Variants in LY6K observed in about 807,000 individuals in gnomAD.
The protein encoded by LY6K is lymphocyte antigen 6K.
LY6K carries 9 observed loss-of-function variants against 10.4 expected under a neutral mutation model. That is an observed-to-expected ratio of 0.87 (90% CI 0.52 to 1.52). The LOEUF is 1.52. LY6K is among the 40% of genes most tolerant of loss of function. The pLI, the probability that LY6K is intolerant of heterozygous loss-of-function variation, is 0.00. For missense variants in LY6K, 217 were observed against 211.7 expected, an observed-to-expected ratio of 1.02 and a Z score of -0.15; for synonymous variants, 98 against 83.7, an observed-to-expected ratio of 1.17 and a Z score of -0.94.
At chr8:142,702,197 C>G in intron 2 of LY6K, 1 of 450,286 alleles carries the variant, frequency 2.2e-6, no homozygotes, top group Non-Finnish European at 4.1e-6. Flanking sequence ...GTGCCTGCTA[C>G]AGTGGGTCCA....
intron 1 of LY6K, among the ~76,000 whole-genome samples, chr8:142,701,243 G>T (rs1388344774): frequency 1.3e-5 from 2 of 152,202 alleles, no homozygotes; most frequent in African/African-American, 4.8e-5. Flanking sequence ...CAGGAGAGAA[G>T]AAAAATCACT....
In LY6K at chr8:142,700,235, A is replaced by G; in HGVS notation, c.-293A>G. On this transcript the variant is annotated 5_prime_UTR_variant, in exon 1 of 3. Coordinates refer to ENST00000292430, the MANE Select transcript of LY6K (RefSeq NM_017527.4). ...TTGGGCTCAGGGGCTGCGTTTCCAC[A>G]CGCGCCTTTCCCAGGGCTCCCGCGC... The G allele has an allele frequency of 5.6e-6, 5 of 892,350 alleles. No homozygotes were observed. The highest frequency in any genetic ancestry group is 7.2e-6 in the Non-Finnish European group (5 of 696,838). The allele number at this position is 892,350 out of a possible 1,614,324, so 55.3% of individuals were successfully genotyped here. A position where few individuals can be genotyped will look rare whatever the true frequency, so the allele number is the denominator to read the frequency against.
At chr8:142,700,762 A>G (rs1402099491) in intron 1 of LY6K, 132 bp downstream of exon 1, 10 of 984,876 alleles carry the variant, frequency 1.0e-5, no homozygotes, top group South Asian at 2.6e-5. Flanking sequence ...GGCGCCTGGA[A>G]GCCTCTGGGG....
chr8:142,700,855 C>A (rs1294134739), intron 1 of LY6K, among the ~76,000 whole-genome samples: 1 of 152,078 alleles, frequency 6.6e-6, no homozygotes, highest in Non-Finnish European at 1.5e-5. Flanking sequence ...GCTCCGGCCG[C>A]GCTTCCCCGG....
Position 142,704,015 on chromosome 8 carries a change from G to A in LY6K, c.*644G>A, listed in dbSNP as rs1164721880. 2 of 152,356 alleles carry A rather than the reference G, an allele frequency of 1.3e-5. No homozygotes were observed. The highest frequency in any genetic ancestry group is 2.9e-5 in the Non-Finnish European group (2 of 68,156). 9.4% of individuals were successfully genotyped at this position (152,356 alleles called of 1,614,324 possible). On this transcript the variant is annotated 3_prime_UTR_variant, in exon 3 of 3. Coordinates refer to ENST00000292430, the MANE Select transcript of LY6K (RefSeq NM_017527.4). ...CAGATTCATAAATTCCCACACGTGT[G>A]TGTTCAACATCTGAAACTTAGGCCA...
chr8:142,704,404 G>GGAAGGT lies in LY6K; in HGVS notation c.*1035_*1040dup. 1 of 152,158 alleles carries GGAAGGT rather than the reference G, an allele frequency of 6.6e-6. No individual in the cohort carries two copies. The highest frequency in any genetic ancestry group is 6.6e-5 in the Admixed American group (1 of 15,266). The allele number at this position is 152,158 out of a possible 1,614,324, so 9.4% of individuals were successfully genotyped here. On this transcript the variant is annotated 3_prime_UTR_variant, in exon 3 of 3. Transcript: ENST00000292430. ...AAACAGAAGTAACCAAATCAGGCCT[G>GGAAGGT]GAAGGTGTATGCCTAGTGATTTCCC...
chr8:142,700,421 C>T lies in LY6K; in HGVS notation c.-107C>T, dbSNP rs1468462266. 2 of 1,376,146 alleles carry T rather than the reference C, an allele frequency of 1.5e-6. No homozygotes were observed. Among genetic ancestry groups the T allele is most frequent in the African/African-American group, 1.5e-5 (1 of 65,694 alleles). 85.2% of individuals were successfully genotyped at this position (1,376,146 alleles called of 1,614,324 possible). On this transcript the variant is annotated 5_prime_UTR_variant, in exon 1 of 3. Coordinates refer to ENST00000292430, the MANE Select transcript of LY6K (RefSeq NM_017527.4). ...CGCGCGCCCCGGGGCGGGCGGGGCT[C>T]CCCCTACCGGCCAGACCCGGGGAGA...
At position 142,701,462 on chromosome 8, in the gene LY6K, G is replaced by A. The variant is rs1421963629; in HGVS notation, c.104-138G>A. 18 of 649,084 alleles carry A rather than the reference G, an allele frequency of 2.8e-5. No individual in the cohort carries two copies. In the East Asian group the frequency reaches 4.9e-4, roughly 18 times the overall value. 40.2% of individuals were successfully genotyped at this position (649,084 alleles called of 1,614,324 possible). ...CTTTCTCCCCATGCGGCTCACTCGA[G>A]TCATGTGGCCCCAGCCACTGCTCAG... On this transcript the variant is annotated intron_variant, in intron 1 of 2. Coordinates refer to ENST00000292430, the MANE Select transcript of LY6K (RefSeq NM_017527.4).
chr8:142,702,685 C>CA, intron 2 of LY6K: 1 of 1,512,276 alleles, frequency 6.6e-7, no homozygotes, highest in Non-Finnish European at 8.9e-7. Context: ...GGTCATGAGA[C>CA]AAGACCCCCA....
intron 2 of LY6K, chr8:142,702,421 T>C (rs1452209040): frequency 2.8e-6 from 4 of 1,426,138 alleles, no homozygotes; most frequent in Non-Finnish European, 3.8e-6. Flanking sequence ...CTCTGTCATC[T>C]GTGATTCCCC....
Position 142,703,820 on chromosome 8 carries a change from C to G in LY6K, c.*449C>G, listed in dbSNP as rs1815134552. 1 of 164,850 alleles carries G rather than the reference C, an allele frequency of 6.1e-6. No homozygotes were observed. The highest frequency in any genetic ancestry group is 1.7e-4 in the South Asian group (1 of 5,980). The allele number at this position is 164,850 out of a possible 1,614,324, so 10.2% of individuals were successfully genotyped here. Reference sequence around the variant, plus strand: ...GAAGACATCCCTGGAGTGAAGGACTCCTCAGCATGGGGGGCAGTGGGGCAC... The same window carrying G: ...GAAGACATCCCTGGAGTGAAGGACTGCTCAGCATGGGGGGCAGTGGGGCAC... On this transcript the variant is annotated 3_prime_UTR_variant, in exon 3 of 3. Coordinates refer to ENST00000292430, the MANE Select transcript of LY6K (RefSeq NM_017527.4).
intron 2 of LY6K, chr8:142,702,411 C>A: frequency 2.2e-6 from 3 of 1,347,664 alleles, no homozygotes; most frequent in African/African-American, 1.4e-5. Flanking sequence ...GAGACCACTG[C>A]TCTGTCATCT....
At chr8:142,702,173 G>A (rs903573678) in intron 2 of LY6K, 51 of 405,574 alleles carry the variant, frequency 1.3e-4, no homozygotes, top group Non-Finnish European at 1.7e-4. Flanking sequence ...TAGGAACTGT[G>A]CTAGTGTAAG....
intron 2 of LY6K, chr8:142,701,973 T>C (rs1554640244): frequency 2.7e-6 from 1 of 370,620 alleles, no homozygotes; most frequent in African/African-American, 2.1e-5. Flanking sequence ...CCACACTGGC[T>C]AATTTTTTAT....
At position 142,700,416 on chromosome 8, in the gene LY6K, G is replaced by T. The variant is rs1554639884; in HGVS notation, c.-112G>T. The T allele has an allele frequency of 7.3e-7, 1 of 1,368,370 alleles. No individual in the cohort carries two copies. Among genetic ancestry groups the T allele is most frequent in the Non-Finnish European group, 9.4e-7 (1 of 1,062,664 alleles). The allele number at this position is 1,368,370 out of a possible 1,614,324, so 84.8% of individuals were successfully genotyped here. A position where few individuals can be genotyped will look rare whatever the true frequency, so the allele number is the denominator to read the frequency against. On this transcript the variant is annotated 5_prime_UTR_variant, in exon 1 of 3. Coordinates refer to ENST00000292430, the MANE Select transcript of LY6K (RefSeq NM_017527.4). ...GGAGGCGCGCGCCCCGGGGCGGGCG[G>T]GGCTCCCCCTACCGGCCAGACCCGG...
chr8:142,703,191 G>C lies in LY6K; in HGVS notation c.318G>C (p.Glu106Asp). Residue 106 changes from glutamate (E) to aspartate (D), a missense_variant, in exon 3 of 3, where the codon GAG (glutamate) becomes GAC (aspartate). Glu to Asp is a conservative substitution (Grantham distance 45). Coordinates refer to ENST00000292430, the MANE Select transcript of LY6K (RefSeq NM_017527.4). ...KPEEKRFLLEEPMPFFYLKCC... is the reference protein window; with the variant it reads ...KPEEKRFLLEDPMPFFYLKCC... Reference sequence around the variant, plus strand: ...AGGAGAAGCGGTTTCTCCTGGAAGAGCCCATGCCCTTCTTTTACCTCAAGT... The same window carrying C: ...AGGAGAAGCGGTTTCTCCTGGAAGACCCCATGCCCTTCTTTTACCTCAAGT... 6.2e-7 allele frequency: 1 copy of C among 1,614,238 alleles called. No homozygotes were observed. Among genetic ancestry groups the C allele is most frequent in the East Asian group, 2.2e-5 (1 of 44,884 alleles).
intron 1 of LY6K, among the ~76,000 whole-genome samples, 196 bp from the exon 2 acceptor site, chr8:142,701,404 G>A (rs1554640096): frequency 6.6e-6 from 1 of 152,154 alleles, no homozygotes; most frequent in Non-Finnish European, 1.5e-5. Flanking sequence ...AAGGGGAAGC[G>A]GGCAGCTCTT....
intron 2 of LY6K, 199 bp downstream of exon 2, chr8:142,701,912 C>G (rs782530630): frequency 4.0e-6 from 2 of 504,290 alleles, no homozygotes; most frequent in Admixed American, 6.5e-5. Flanking sequence ...CGGGTTCAAG[C>G]GATTCTCCTG....
rs144295921 is a variant in LY6K, at chr8:142,703,086, A to G, written c.218-5A>G. ...TGCCTTCTCTCGGTCTTTATTTCCT[A>G]TTAGAAATATTTCCACGTTTTTTCA... On this transcript the variant is annotated splice_polypyrimidine_tract_variant and splice_region_variant and intron_variant, in intron 2 of 2. Coordinates refer to ENST00000292430, the MANE Select transcript of LY6K (RefSeq NM_017527.4). 704 of 1,613,326 alleles carry G rather than the reference A, an allele frequency of 4.4e-4. No homozygotes were observed. The Admixed American group carries it at 6.7e-3, about 15-fold the overall frequency.
Sources: allele counts gnomAD v4.1 joint callset (sites outside exome capture counted in the v4.1 genomes callset), GRCh38; gene constraint gnomAD v4.1.1; transcripts MANE v1.5; gene names NCBI Gene and HGNC (gene_info 2026-07-23, HGNC 2026-07-21).